The following HACL1 variants were observed in gnomAD, a reference collection of about 807,000 sequenced individuals.
HACL1 encodes the protein 1600020H07Rik.
A neutral mutation model predicts 74.2 loss-of-function variants in HACL1; 64 were observed. That is an observed-to-expected ratio of 0.86 (90% CI 0.70 to 1.06). The LOEUF (loss-of-function observed/expected upper bound fraction) is 1.06. Ranked by LOEUF, HACL1 falls within the 50% of genes least tolerant of loss-of-function variation. The pLI, the probability that HACL1 is intolerant of heterozygous loss-of-function variation, is 0.00. For missense variants in HACL1, 728 were observed against 719.7 expected (o/e 1.01, Z -0.13); for synonymous variants, 230 against 238.8 (o/e 0.96, Z 0.34).
intron 6 of HACL1, 34 bp downstream of exon 6, chr3:15,586,491 G>T: frequency 1.7e-6 from 2 of 1,155,096 alleles, no homozygotes; most frequent in African/African-American, 1.5e-5. Context: ...AGAAAAATCA[G>T]TTGACTTGGA....
chr3:15,591,849 T>C (rs1163435391), intron 3 of HACL1, among the ~76,000 whole-genome samples, 169 bp from the exon 4 acceptor site: 1 of 151,350 alleles, frequency 6.6e-6, no homozygotes, highest in Non-Finnish European at 1.5e-5. Context: ...CAAGGCGATA[T>C]ATATATATCG....
At chr3:15,567,156 G>C (rs1399486907) in intron 14 of HACL1, among the ~76,000 whole-genome samples, 1 of 146,376 alleles carries the variant, frequency 6.8e-6, no homozygotes, top group Non-Finnish European at 1.5e-5. Context: ...GCTCTGACTT[G>C]ATAGAACCAG....
At chr3:15,592,617 T>C (rs1235411608) in intron 3 of HACL1, among the ~76,000 whole-genome samples, 2 of 79,900 alleles carry the variant, frequency 2.5e-5, no homozygotes, top group East Asian at 4.3e-4. Flanking sequence ...TGTGTGCGTG[T>C]ATACACATGT....
chr3:15,563,324 C>G, intron 16 of HACL1, 34 bp downstream of exon 16: 1 of 1,428,946 alleles, frequency 7.0e-7, no homozygotes, highest in South Asian at 1.2e-5. Flanking sequence ...GAAGCAGATG[C>G]ATTTCTTGCT....
At chr3:15,574,875 T>C (rs1345342581) in intron 10 of HACL1, 102 bp downstream of exon 10, 1 of 532,442 alleles carries the variant, frequency 1.9e-6, no homozygotes, top group Non-Finnish European at 3.4e-6. Flanking sequence ...AAGAGAACAG[T>C]TTTTTTAATA....
chr3:15,596,334 T>A (rs752788823), intron 3 of HACL1, 50 bp downstream of exon 3: 5 of 957,348 alleles, frequency 5.2e-6, no homozygotes, highest in Non-Finnish European at 8.6e-6. Context: ...GACGTAATAG[T>A]TCTACCCCAA....
chr3:15,575,589 C>G (rs1194955223), intron 9 of HACL1, among the ~76,000 whole-genome samples: 1 of 152,084 alleles, frequency 6.6e-6, no homozygotes, highest in African/African-American at 2.4e-5. Flanking sequence ...TTTGCCCGGG[C>G]TGGAATGCAG....
chr3:15,601,249 T>A (rs1278944584), intron 1 of HACL1, 55 bp from the exon 2 acceptor site: 3 of 1,537,536 alleles, frequency 2.0e-6, no homozygotes, highest in Non-Finnish European at 2.7e-6. Flanking sequence ...TATCGCCACA[T>A]CCTTCCCTCC....
At chr3:15,574,240 C>T (rs982216702) in intron 10 of HACL1, among the ~76,000 whole-genome samples, 3 of 152,074 alleles carry the variant, frequency 2.0e-5, no homozygotes, top group African/African-American at 7.2e-5. Context: ...TTGTTGTACG[C>T]GTCTATAGTC....
intron 3 of HACL1, among the ~76,000 whole-genome samples, chr3:15,592,171 C>CGTGT: frequency 6.9e-6 from 1 of 145,090 alleles, no homozygotes; most frequent in African/African-American, 2.5e-5. Flanking sequence ...CGTATACATG[C>CGTGT]ATGTATATAT....
intron 9 of HACL1, among the ~76,000 whole-genome samples, chr3:15,575,479 G>T (rs1373962206): frequency 6.6e-6 from 1 of 152,050 alleles, no homozygotes; most frequent in Non-Finnish European, 1.5e-5. Context: ...ATCTACTTTT[G>T]TTTTCTACGC....
chr3:15,593,281 A>C (rs1438893199), intron 3 of HACL1, among the ~76,000 whole-genome samples: 1 of 151,594 alleles, frequency 6.6e-6, no homozygotes, highest in Non-Finnish European at 1.5e-5. Flanking sequence ...TGGCATGATC[A>C]GGGCTCACTG....
intron 14 of HACL1, among the ~76,000 whole-genome samples, chr3:15,567,436 T>C (rs1485564956): frequency 1.3e-5 from 2 of 151,366 alleles, no homozygotes; most frequent in South Asian, 2.1e-4. Flanking sequence ...GCCAGGCTGG[T>C]CTTGAACTCC....
At chr3:15,583,881 C>T (rs2063751348) in intron 7 of HACL1, among the ~76,000 whole-genome samples, 1 of 152,076 alleles carries the variant, frequency 6.6e-6, no homozygotes, top group African/African-American at 2.4e-5. Context: ...TGGTCTCAAA[C>T]TCCTACCTCA....
At chr3:15,596,622 C>T (rs1488546947) in intron 2 of HACL1, among the ~76,000 whole-genome samples, 198 bp from the exon 3 acceptor site, 1 of 152,188 alleles carries the variant, frequency 6.6e-6, no homozygotes, top group African/African-American at 2.4e-5. Context: ...GAAATTTGTT[C>T]ATATGTATGT....
At chr3:15,579,291 A>T (rs892763057) in intron 9 of HACL1, among the ~76,000 whole-genome samples, 11 of 152,252 alleles carry the variant, frequency 7.2e-5, no homozygotes, top group African/African-American at 2.4e-4. Context: ...TGCCAATCTG[A>T]GATGACTCAG....
chr3:15,591,961 CAT>C (rs779515508), intron 3 of HACL1, among the ~76,000 whole-genome samples: 214 of 147,938 alleles, frequency 1.4e-3, no homozygotes, highest in African/African-American at 5.2e-3. Flanking sequence ...ACACTATATA[CAT>C]AGTGTATATA....
In HACL1 at chr3:15,568,563, C is replaced by T. The variant is rs905650; in HGVS notation, c.1119G>A (p.Leu373=). 0.12 allele frequency: 179,647 copies of T among 1,551,692 alleles called. 11,164 individuals are homozygous for T. Among genetic ancestry groups the T allele is most frequent in the East Asian group, 0.18 (7,945 of 44,382 alleles). ...ASKELASKKS[L]PMNYYTVFYH... Reference sequence around the variant, plus strand: ...AGAATACTGTGTAATAATTCATAGGCAGGGATTTTTTAGAAGCTAGTTCCT... The same window carrying T: ...AGAATACTGTGTAATAATTCATAGGTAGGGATTTTTTAGAAGCTAGTTCCT... Residue 373 remains leucine (L), a synonymous_variant, in exon 13 of 17, where the codon CTG becomes CTA. Coordinates refer to ENST00000321169, the MANE Select transcript of HACL1 (RefSeq NM_012260.4).
rs111413291 is a variant in HACL1 at position 15,570,634 on chromosome 3, G to GCACA, written c.1095+1030_1095+1033dup. ...TAGGGAAAGCACAATACACACACAT[G>GCACA]CACACACACACACACACACTTTACT... On this transcript the variant is annotated intron_variant, in intron 12 of 16. Coordinates refer to ENST00000321169, the MANE Select transcript of HACL1 (RefSeq NM_012260.4). Among the ~76,000 whole-genome samples the GCACA allele has an allele frequency of 2.9e-3, 426 of 148,104 alleles. 3 individuals carry two copies. The highest frequency in any genetic ancestry group is 7.3e-3 in the South Asian group (34 of 4,672).
Sources: gnomAD v4.1 joint callset for allele counts (sites outside exome capture counted in the v4.1 genomes callset) on GRCh38, gnomAD v4.1.1 for gene constraint, MANE v1.5 for transcripts, NCBI Gene and HGNC (gene_info 2026-07-23, HGNC 2026-07-21) for gene names.